Variants in TMEM135 observed in about 807,000 individuals in gnomAD.
TMEM135 encodes transmembrane protein 135, also known as peroxisomal membrane protein 52.
TMEM135 carries 30 observed loss-of-function variants against 60.3 expected under a neutral mutation model. The ratio of observed to expected loss-of-function variants is 0.50; its 90% CI spans 0.37 to 0.68. The LOEUF is 0.68. TMEM135 is among the 30% of genes least tolerant of loss of function. The pLI is 0.00. For missense variants in TMEM135, 468 were observed against 548.8 expected, an observed-to-expected ratio of 0.85 and a Z score of 1.47; for synonymous variants, 190 against 186.7, an observed-to-expected ratio of 1.02 and a Z score of -0.14.
chr11:87,086,939 T>C (rs1043662718), intron 3 of TMEM135, among the ~76,000 whole-genome samples: 7 of 152,162 alleles, frequency 4.6e-5, no homozygotes, highest in African/African-American at 1.7e-4. Context: ...GTACCTCTAA[T>C]TGCCGTTAGG....
At chr11:87,298,309 G>A (rs2135436393) in intron 7 of TMEM135, among the ~76,000 whole-genome samples, 1 of 152,204 alleles carries the variant, frequency 6.6e-6, no homozygotes, top group South Asian at 2.1e-4. Flanking sequence ...GAGATTGAAA[G>A]GAATACAATC....
chr11:87,196,728 A>G (rs1229573373), intron 5 of TMEM135, among the ~76,000 whole-genome samples: 1 of 152,060 alleles, frequency 6.6e-6, no homozygotes, highest in Non-Finnish European at 1.5e-5. Context: ...CTTTCTGATA[A>G]GATAGAGACC....
intron 5 of TMEM135, among the ~76,000 whole-genome samples, chr11:87,233,886 G>T (rs1940939949): frequency 6.6e-6 from 1 of 151,962 alleles, no homozygotes; most frequent in African/African-American, 2.4e-5. Flanking sequence ...CTAAAATTCT[G>T]TAATTTCAAA....
rs569626576 is a variant in TMEM135, at chr11:87,201,959, T to A, written c.463-34679T>A. ...CTTTTGGTATTTATTTTTTATGTTA[T>A]GTTATGTTATGTTATGTTATGTTAT... On this transcript the variant is annotated intron_variant, in intron 5 of 14. Coordinates refer to ENST00000305494, the MANE Select transcript of TMEM135 (RefSeq NM_022918.4). Among the ~76,000 whole-genome samples the A allele has an allele frequency of 4.2e-5, 4 of 95,678 alleles. No homozygotes were observed. In the East Asian group the frequency reaches 2.0e-3, roughly 49 times the overall value. 62.8% of individuals were successfully genotyped at this position (95,678 alleles called of 152,430 possible).
chr11:87,313,292 G>A (rs1032116817), intron 10 of TMEM135, 133 bp from the exon 11 acceptor site: 2 of 691,172 alleles, frequency 2.9e-6, no homozygotes, highest in Non-Finnish European at 5.1e-6. Flanking sequence ...CATGTATGCA[G>A]TTTGATTTAG....
At chr11:87,299,830 A>G (rs1942412690) in intron 7 of TMEM135, among the ~76,000 whole-genome samples, 1 of 152,178 alleles carries the variant, frequency 6.6e-6, no homozygotes, top group Admixed American at 6.5e-5. Flanking sequence ...TGAAGAGAAG[A>G]AAGCAGGAAA....
chr11:87,149,137 T>C (rs1417080636), intron 4 of TMEM135, among the ~76,000 whole-genome samples: 1 of 152,158 alleles, frequency 6.6e-6, no homozygotes, highest in Non-Finnish European at 1.5e-5. Context: ...TTAGCTCTTA[T>C]GTATAAATTA....
chr11:87,226,904 C>T (rs1248712477), intron 5 of TMEM135, among the ~76,000 whole-genome samples: 1 of 152,114 alleles, frequency 6.6e-6, no homozygotes, highest in African/African-American at 2.4e-5. Context: ...CAAAAATTAG[C>T]TGGGTGTGGT....
chr11:87,286,460 T>C (rs1942167737), intron 6 of TMEM135, among the ~76,000 whole-genome samples: 1 of 152,246 alleles, frequency 6.6e-6, no homozygotes, highest in African/African-American at 2.4e-5. Flanking sequence ...TGGCTTCGCC[T>C]AGTGGACCCT....
chr11:87,191,524 A>C (rs1311624974), intron 5 of TMEM135, among the ~76,000 whole-genome samples: 1 of 152,160 alleles, frequency 6.6e-6, no homozygotes, highest in Non-Finnish European at 1.5e-5. Context: ...TACAAGTGTG[A>C]GCCACCATTC....
At chr11:87,061,829 A>T (rs1284420515) in intron 1 of TMEM135, among the ~76,000 whole-genome samples, 1 of 152,240 alleles carries the variant, frequency 6.6e-6, no homozygotes, top group Non-Finnish European at 1.5e-5. Context: ...AATCTTATGA[A>T]GAGATACTTC....
At chr11:87,318,361 TG>T in intron 13 of TMEM135, 126 bp downstream of exon 13, 1 of 755,938 alleles carries the variant, frequency 1.3e-6, no homozygotes. Flanking sequence ...GCTTCTTTTT[TG>T]TTTTGTTTTG....
chr11:87,179,056 T>C (rs1291518924), intron 5 of TMEM135, among the ~76,000 whole-genome samples: 1 of 152,172 alleles, frequency 6.6e-6, no homozygotes, highest in Non-Finnish European at 1.5e-5. Context: ...GATCAGACTA[T>C]TTTATTATAG....
chr11:87,285,759 G>C (rs1942153302), intron 6 of TMEM135, among the ~76,000 whole-genome samples: 1 of 152,184 alleles, frequency 6.6e-6, no homozygotes, highest in Non-Finnish European at 1.5e-5. Context: ...TGCTGACTCT[G>C]GCAGCTTGCT....
chr11:87,270,003 C>T (rs11235063), intron 6 of TMEM135, among the ~76,000 whole-genome samples: 40 of 124,870 alleles, frequency 3.2e-4, no homozygotes, highest in Non-Finnish European at 5.8e-4. Context: ...CTCTCCAGCA[C>T]CTGTTGTTTC....
At chr11:87,284,118 T>C (rs1942119534) in intron 6 of TMEM135, among the ~76,000 whole-genome samples, 1 of 151,956 alleles carries the variant, frequency 6.6e-6, no homozygotes, top group Non-Finnish European at 1.5e-5. Context: ...CATTATTTGA[T>C]ATTTTTTTGG....
rs1335446409 is a variant in TMEM135, at chr11:87,314,483, G to C, written c.1013G>C (p.Gly338Ala). The C allele has an allele frequency of 6.2e-7, 1 of 1,610,096 alleles. No individual in the cohort carries two copies. Among genetic ancestry groups the C allele is most frequent in the Non-Finnish European group, 8.5e-7 (1 of 1,177,312 alleles). ...LHAIIAGFLA[G>A]ISMMFYKSTT... ...TTTCTTGTTTCAGGATTTTTGGCAG[G>C]TATATCAATGATGTTTTATAAAAGC... The change falls in exon 12 of 15, where the codon GGT becomes GCT. Residue 338 changes from glycine to alanine, a missense_variant. Physicochemically the swap from Gly to Ala is moderately conservative, Grantham distance 60 (BLOSUM62 0). Coordinates refer to ENST00000305494, the MANE Select transcript of TMEM135 (RefSeq NM_022918.4).
At chr11:87,250,622 T>A (rs1941394418) in intron 6 of TMEM135, among the ~76,000 whole-genome samples, 1 of 152,152 alleles carries the variant, frequency 6.6e-6, no homozygotes, top group Non-Finnish European at 1.5e-5. Flanking sequence ...TCCGTTCTGG[T>A]CAGAGAAGAG....
At chr11:87,148,955 C>G (rs1290783101) in intron 4 of TMEM135, among the ~76,000 whole-genome samples, 1 of 151,798 alleles carries the variant, frequency 6.6e-6, no homozygotes, top group East Asian at 1.9e-4. Context: ...TCATATTGTG[C>G]TGAATTTACA....
Sources: gnomAD v4.1 joint callset for allele counts (sites outside exome capture counted in the v4.1 genomes callset) on GRCh38, gnomAD v4.1.1 for gene constraint, MANE v1.5 for transcripts, NCBI Gene and HGNC (gene_info 2026-07-23, HGNC 2026-07-21) for gene names.